The following CREB3L1 variants were observed in gnomAD, a reference collection of about 807,000 sequenced individuals.
CREB3L1 encodes cAMP responsive element binding protein 3 like 1.
Under a neutral mutation model 54.5 loss-of-function variants are expected in CREB3L1, and 33 were observed. The ratio of observed to expected loss-of-function variants is 0.61; its 90% CI spans 0.46 to 0.81. The LOEUF is 0.81. CREB3L1 is among the 30% of genes least tolerant of loss of function. The pLI is 0.00. For synonymous variants in CREB3L1, 284 were observed against 286.4 expected, an observed-to-expected ratio of 0.99 and a Z score of 0.08; for missense variants, 656 against 673.3, an observed-to-expected ratio of 0.97 and a Z score of 0.29.
intron 1 of CREB3L1, among the ~76,000 whole-genome samples, chr11:46,288,837 C>T (rs1239131691): frequency 6.6e-6 from 1 of 152,110 alleles, no homozygotes; most frequent in Admixed American, 6.6e-5. Flanking sequence ...GGTTCAAATC[C>T]CCGCTTGACC....
intron 2 of CREB3L1, among the ~76,000 whole-genome samples, chr11:46,304,436 A>T (rs1274243677): frequency 1.3e-5 from 2 of 152,116 alleles, no homozygotes; most frequent in Non-Finnish European, 2.9e-5. Flanking sequence ...GCACCATTGC[A>T]CTCTAGCCTG....
chr11:46,312,738 C>T (rs1939510786), intron 7 of CREB3L1, 68 bp downstream of exon 7: 2 of 1,556,466 alleles, frequency 1.3e-6, no homozygotes, highest in South Asian at 1.2e-5. Flanking sequence ...GGCCCTCCCT[C>T]AGGGGGCAGC....
At chr11:46,316,258 T>A in intron 8 of CREB3L1, 28 bp from the exon 9 acceptor site, 1 of 1,468,144 alleles carries the variant, frequency 6.8e-7, no homozygotes, top group South Asian at 1.2e-5. Flanking sequence ...GGTCAAAGCC[T>A]GCCAGCTGAC....
chr11:46,312,266 A>T, intron 5 of CREB3L1, 59 bp from the exon 6 acceptor site: 1 of 1,445,396 alleles, frequency 6.9e-7, no homozygotes, highest in African/African-American at 1.4e-5. Flanking sequence ...CACATGGCAG[A>T]GCTTGAATTT....
intron 1 of CREB3L1, among the ~76,000 whole-genome samples, chr11:46,283,137 G>A (rs909223279): frequency 6.6e-6 from 1 of 152,122 alleles, no homozygotes; most frequent in Admixed American, 6.5e-5. Context: ...ACTGCAGTGA[G>A]CCATAATGGC....
At chr11:46,305,587 T>C (rs1469722001) in intron 2 of CREB3L1, among the ~76,000 whole-genome samples, 5 of 148,832 alleles carry the variant, frequency 3.4e-5, no homozygotes, top group African/African-American at 1.2e-4. Context: ...TATATATATG[T>C]ATATATACAC....
rs756003422 is a variant in CREB3L1 at position 46,320,481 on chromosome 11, C to T, written c.1476C>T (p.Asn492=). The T allele has an allele frequency of 3.3e-5, 52 of 1,596,124 alleles. No homozygotes were observed. Among genetic ancestry groups the T allele is most frequent in the Admixed American group, 5.3e-5 (3 of 56,996 alleles). Reference sequence around the variant, plus strand: ...AGGCCTGGCCTAAAGACGGTGGAAACGGCACCAGCCCCGACTTCTCCCACT... The same window carrying T: ...AGGCCTGGCCTAAAGACGGTGGAAATGGCACCAGCCCCGACTTCTCCCACT... ...LSEAWPKDGG[N]GTSPDFSHSK... Residue 492 remains asparagine (N), a synonymous_variant, in exon 11 of 12, where the codon AAC becomes AAT. Coordinates refer to ENST00000621158, the MANE Select transcript of CREB3L1 (RefSeq NM_052854.4).
chr11:46,311,698 A>G (rs912967569), intron 5 of CREB3L1, among the ~76,000 whole-genome samples: 6 of 152,078 alleles, frequency 3.9e-5, no homozygotes, highest in African/African-American at 1.4e-4. Flanking sequence ...GCATTTCACC[A>G]TGTTGGCCAA....
At chr11:46,292,968 T>A (rs1216466911) in intron 1 of CREB3L1, among the ~76,000 whole-genome samples, 1 of 152,114 alleles carries the variant, frequency 6.6e-6, no homozygotes, top group Non-Finnish European at 1.5e-5. Flanking sequence ...TGGAGAGGGA[T>A]CAGAGTTTGA....
chr11:46,282,561 G>A (rs1023873222), intron 1 of CREB3L1, among the ~76,000 whole-genome samples: 38 of 152,132 alleles, frequency 2.5e-4, no homozygotes, highest in African/African-American at 8.7e-4. Flanking sequence ...TGCTGTTCCT[G>A]TCATCTGGAC....
At chr11:46,283,917 T>TC (rs1354781640) in intron 1 of CREB3L1, among the ~76,000 whole-genome samples, 1 of 152,048 alleles carries the variant, frequency 6.6e-6, no homozygotes, top group Non-Finnish European at 1.5e-5. Flanking sequence ...TACTTATGAT[T>TC]CCTGAAGGGA....
chr11:46,300,329 C>T (rs1939277874), intron 2 of CREB3L1, among the ~76,000 whole-genome samples, 166 bp downstream of exon 2: 1 of 152,250 alleles, frequency 6.6e-6, no homozygotes, highest in Admixed American at 6.5e-5. Context: ...TCTGTTCTCC[C>T]TCAGCTCAAA....
intron 2 of CREB3L1, among the ~76,000 whole-genome samples, chr11:46,305,095 C>T (rs935437818): frequency 4.6e-5 from 7 of 152,110 alleles, no homozygotes; most frequent in Non-Finnish European, 8.8e-5. Context: ...GTCCAGAGTC[C>T]CCTCCAGCCC....
chr11:46,298,573 C>T lies in CREB3L1; in HGVS notation c.103-1362C>T, dbSNP rs184837668. On this transcript the variant is annotated intron_variant, in intron 1 of 11. Coordinates refer to ENST00000621158, the MANE Select transcript of CREB3L1 (RefSeq NM_052854.4). ...AATTAGCTGGGCGTGGTGGTGCGCA[C>T]CTGTAGTCCCGGCTGCTTGGGAGGC... 9.1e-4 allele frequency among the ~76,000 whole-genome samples: 138 copies of T among 152,190 alleles called. 1 individual carries two copies. The highest frequency in any genetic ancestry group is 3.2e-3 in the African/African-American group (134 of 41,512).
At position 46,321,391 on chromosome 11, in the gene CREB3L1, CCA is replaced by C. The variant is rs1566195712; in HGVS notation, c.*646_*647del. On this transcript the variant is annotated 3_prime_UTR_variant, in exon 12 of 12. Coordinates refer to ENST00000621158, the MANE Select transcript of CREB3L1 (RefSeq NM_052854.4). ...CAGCACATGCTTTAAGAAAGCAAAA[CCA>C]AAAAAAAAAAAAAAAAGATGCAGCA... is the stretch of plus-strand genomic sequence containing the variant. 1.3e-3 allele frequency: 209 copies of C among 157,740 alleles called. No homozygotes were observed. The highest frequency in any genetic ancestry group is 6.7e-3 in the Middle Eastern group (3 of 450). The allele number at this position is 157,740 out of a possible 1,614,324, so 9.8% of individuals were successfully genotyped here.
At chr11:46,303,581 T>A (rs963225600) in intron 2 of CREB3L1, among the ~76,000 whole-genome samples, 1 of 151,982 alleles carries the variant, frequency 6.6e-6, no homozygotes, top group Non-Finnish European at 1.5e-5. Flanking sequence ...GAAGCGGAGG[T>A]TGCAGTGAGC....
intron 2 of CREB3L1, among the ~76,000 whole-genome samples, chr11:46,305,502 C>T (rs1023280666): frequency 6.6e-6 from 1 of 151,640 alleles, no homozygotes; most frequent in Admixed American, 6.6e-5. Context: ...TCAACACTTC[C>T]TGCAGTTCTC....
At chr11:46,302,348 C>A (rs1029660665) in intron 2 of CREB3L1, among the ~76,000 whole-genome samples, 2 of 152,010 alleles carry the variant, frequency 1.3e-5, no homozygotes, top group African/African-American at 4.8e-5. Flanking sequence ...TCTCCTCTCC[C>A]CCTAACTCCA....
Position 46,316,376 on chromosome 11 carries a change from C to T in CREB3L1, c.1122C>T (p.Thr374=). The T allele has an allele frequency of 3.2e-6, 5 of 1,562,440 alleles. No individual in the cohort carries two copies. Among genetic ancestry groups the T allele is most frequent in the Non-Finnish European group, 4.3e-6 (5 of 1,152,290 alleles). The change falls in exon 9 of 12, where the codon ACC becomes ACT. Residue 374 remains threonine, a synonymous_variant. Coordinates refer to ENST00000621158, the MANE Select transcript of CREB3L1 (RefSeq NM_052854.4). ...PYKMAATQTG[T]CLMVAALCFV... ...AGATGGCCGCCACCCAGACTGGGAC[C>T]TGCCTCATGGTAGGTGTGGCTCCCT...
Sources: allele counts gnomAD v4.1 joint callset (sites outside exome capture counted in the v4.1 genomes callset), GRCh38; gene constraint gnomAD v4.1.1; transcripts MANE v1.5; gene names NCBI Gene and HGNC (gene_info 2026-07-23, HGNC 2026-07-21).